The following CCDC18 variants were observed in gnomAD, a reference collection of about 807,000 sequenced individuals.
CCDC18 encodes coiled-coil domain containing 18, also known as coiled-coil domain-containing protein 18.
In CCDC18, 157 loss-of-function variants were observed where a neutral mutation model predicts 196.0. The ratio of observed to expected loss-of-function variants is 0.80; its 90% CI spans 0.70 to 0.91. The LOEUF is 0.91. Ranked by LOEUF, CCDC18 falls within the 40% of genes least tolerant of loss-of-function variation. CCDC18 has a pLI of 0.00. For synonymous variants in CCDC18, 482 were observed against 529.2 expected, an observed-to-expected ratio of 0.91 and a Z score of 1.22; for missense variants, 1,465 against 1,611.6, an observed-to-expected ratio of 0.91 and a Z score of 1.56.
intron 16 of CCDC18, among the ~76,000 whole-genome samples, chr1:93,223,029 A>G (rs1657696359): frequency 6.6e-6 from 1 of 152,184 alleles, no homozygotes; most frequent in African/African-American, 2.4e-5. Context: ...CATTTAATGC[A>G]ATGTCAGTTC....
chr1:93,268,612 G>A (rs1401828240), intron 27 of CCDC18, among the ~76,000 whole-genome samples: 1 of 151,518 alleles, frequency 6.6e-6, no homozygotes, highest in South Asian at 2.1e-4. Flanking sequence ...AAAAGTGGGA[G>A]AAGGATATGA....
At chr1:93,234,666 A>G (rs1032045549) in intron 18 of CCDC18, among the ~76,000 whole-genome samples, 2 of 83,788 alleles carry the variant, frequency 2.4e-5, no homozygotes, top group Non-Finnish European at 4.4e-5. Flanking sequence ...AGATTTCTCT[A>G]TTTAATTAAG....
chr1:93,213,140 A>G (rs1266697502), intron 11 of CCDC18, among the ~76,000 whole-genome samples: 2 of 152,072 alleles, frequency 1.3e-5, no homozygotes, highest in Non-Finnish European at 1.5e-5. Context: ...GTAACTACAG[A>G]TGAAGCTTTG....
Position 93,212,255 on chromosome 1 carries a change from C to T in CCDC18, c.1489C>T (p.Gln497Ter), listed in dbSNP as rs1321617204. 1 of 1,569,902 alleles carries T rather than the reference C, an allele frequency of 6.4e-7. No individual in the cohort carries two copies. The highest frequency in any genetic ancestry group is 2.3e-5 in the East Asian group (1 of 43,674). The change falls in exon 11 of 29, where the codon CAA becomes TAA. Residue 497 changes from glutamine (Q) to a stop codon, truncating the protein, a stop_gained. Coordinates refer to ENST00000690025, the MANE Select transcript of CCDC18 (RefSeq NM_001378204.1). LOFTEE classifies it high-confidence loss of function. ...AGAACCTGTAAAGCTAGGTGGTCATCAAGTAGGTAAGTATATTGAGTTATT... is the reference window on the plus strand; with the variant it reads ...AGAACCTGTAAAGCTAGGTGGTCATTAAGTAGGTAAGTATATTGAGTTATT... ...ETEPVKLGGH[Q>*]VAESVKDQNQ... is the part of the protein sequence containing the mutation.
intron 7 of CCDC18, among the ~76,000 whole-genome samples, chr1:93,203,339 G>A (rs757998078): frequency 2.0e-5 from 3 of 152,276 alleles, no homozygotes; most frequent in Non-Finnish European, 4.4e-5. Flanking sequence ...TTTTGGAAAT[G>A]TCTGTAGAAT....
chr1:93,251,751 G>A (rs556237962), intron 23 of CCDC18, among the ~76,000 whole-genome samples: 1 of 152,018 alleles, frequency 6.6e-6, no homozygotes, highest in Non-Finnish European at 1.5e-5. Flanking sequence ...ATGTCTTAGG[G>A]TGTTATTATT....
Position 93,232,433 on chromosome 1 carries a change from G to A in CCDC18, c.2300G>A (p.Cys767Tyr), listed in dbSNP as rs1176599553. ...TATATATATATTTGCCAGGTATATT[G>A]TTTACAGAAAGAGCTAAAGATAAAA... Reference protein sequence around the residue: ...QLKKKSEEVYCLQKELKIKNH... With the variant: ...QLKKKSEEVYYLQKELKIKNH... Residue 767 changes from cysteine (C) to tyrosine (Y), a missense_variant, in exon 18 of 29, where the codon TGT becomes TAT. Coordinates refer to ENST00000690025, the MANE Select transcript of CCDC18 (RefSeq NM_001378204.1). The A allele has an allele frequency of 3.2e-6, 5 of 1,584,702 alleles. No homozygotes were observed. In the Admixed American group the frequency reaches 7.0e-5, roughly 22 times the overall value.
chr1:93,181,184 C>T (rs1313672339), intron 1 of CCDC18, among the ~76,000 whole-genome samples: 3 of 40,840 alleles, frequency 7.3e-5, no homozygotes, highest in Non-Finnish European at 1.5e-4. Flanking sequence ...AAAGAGGAAA[C>T]TGTCACTTCC....
chr1:93,236,474 G>A, intron 19 of CCDC18, 84 bp downstream of exon 19: 3 of 1,309,260 alleles, frequency 2.3e-6, no homozygotes, highest in Non-Finnish European at 3.1e-6. Flanking sequence ...GTTCAGTGGA[G>A]CATTTGCTTG....
At chr1:93,233,096 G>A (rs979858587) in intron 18 of CCDC18, among the ~76,000 whole-genome samples, 47 of 152,070 alleles carry the variant, frequency 3.1e-4, no homozygotes, top group African/African-American at 1.1e-3. Context: ...ATGATTATAT[G>A]TTTGCTGTTC....
intron 28 of CCDC18, chr1:93,271,408 A>T (rs1665247227): frequency 2.0e-6 from 2 of 985,186 alleles, no homozygotes; most frequent in Non-Finnish European, 2.4e-6. Flanking sequence ...TCTTTTTTAG[A>T]GAGAAATTCT....
chr1:93,249,328 TTTTA>T (rs1313833366), intron 23 of CCDC18, among the ~76,000 whole-genome samples: 3 of 152,196 alleles, frequency 2.0e-5, no homozygotes, highest in Admixed American at 6.5e-5. Flanking sequence ...TTTCATCTCA[TTTTA>T]TTTATTTGGA....
chr1:93,224,344 T>C (rs531088591), intron 16 of CCDC18, among the ~76,000 whole-genome samples: 3 of 152,314 alleles, frequency 2.0e-5, no homozygotes, highest in South Asian at 4.1e-4. Flanking sequence ...ACAGAGAATT[T>C]CTTCTGTATG....
chr1:93,193,535 T>G, intron 5 of CCDC18, 81 bp from the exon 6 acceptor site: 1 of 908,370 alleles, frequency 1.1e-6, no homozygotes. Flanking sequence ...TAAACAAATA[T>G]AATTCCTAAT....
At chr1:93,222,092 C>G (rs1657525032) in intron 16 of CCDC18, among the ~76,000 whole-genome samples, 156 bp downstream of exon 16, 1 of 151,804 alleles carries the variant, frequency 6.6e-6, no homozygotes, top group Non-Finnish European at 1.5e-5. Flanking sequence ...ACATGAGCCT[C>G]CTGAGCAGCT....
chr1:93,264,852 A>T lies in CCDC18; in HGVS notation c.3836A>T (p.Gln1279Leu). 1.9e-6 allele frequency: 3 copies of T among 1,613,680 alleles called. No individual in the cohort carries two copies. The East Asian group carries it at 6.7e-5, about 36-fold the overall frequency. Reference protein sequence around the residue: ...DTVSNLHQQVQDRNEVIEAAN... With the variant: ...DTVSNLHQQVLDRNEVIEAAN... Reference sequence around the variant, plus strand: ...GTAAGCAATTTGCATCAACAAGTCCAAGATAGGAATGAAGTAATTGAAGCT... The same window carrying T: ...GTAAGCAATTTGCATCAACAAGTCCTAGATAGGAATGAAGTAATTGAAGCT... Residue 1279 changes from glutamine (Q) to leucine (L), a missense_variant, in exon 27 of 29, where the codon CAA becomes CTA. Gln to Leu is a moderately radical substitution (Grantham distance 113). Transcript: ENST00000690025.
At chr1:93,252,742 C>T (rs572734204) in intron 23 of CCDC18, among the ~76,000 whole-genome samples, 1 of 152,318 alleles carries the variant, frequency 6.6e-6, no homozygotes, top group East Asian at 1.9e-4. Context: ...TGCAGTCTGG[C>T]TTAGTTTGTG....
Position 93,217,860 on chromosome 1 carries a change from G to C in CCDC18, c.1953G>C (p.Gln651His), listed in dbSNP as rs778399583. 6.2e-6 allele frequency: 10 copies of C among 1,609,378 alleles called. No homozygotes were observed. In the East Asian group the frequency reaches 8.9e-5, roughly 14 times the overall value. The change falls in exon 14 of 29, where the codon CAG (glutamine) becomes CAC (histidine). Residue 651 changes from glutamine (Q) to histidine (H), a missense_variant. Transcript: ENST00000690025. ...AACAGCATAAAGAAATGGAAAAGCA[G>C]ATTGAAAGAGTAAGTAATACATATT... ...HLEQHKEMEK[Q>H]IERLEAQLEK...
In CCDC18 at chr1:93,210,040, G is replaced by C. The variant is rs1388682531; in HGVS notation, c.1210-762G>C. Reference sequence around the variant, plus strand: ...ATCATAAGCTCCAGTCTGGGTGACAGAGTGAGACCCTGTCTCTCAAAAAAG... The same window carrying C: ...ATCATAAGCTCCAGTCTGGGTGACACAGTGAGACCCTGTCTCTCAAAAAAG... On this transcript the variant is annotated intron_variant, in intron 9 of 28. Transcript: ENST00000690025. Among the ~76,000 whole-genome samples the C allele has an allele frequency of 2.6e-5, 4 of 152,130 alleles. No homozygotes were observed. The East Asian group carries it at 7.7e-4, about 29-fold the overall frequency.
Sources: allele counts gnomAD v4.1 joint callset (sites outside exome capture counted in the v4.1 genomes callset), GRCh38; gene constraint gnomAD v4.1.1; transcripts MANE v1.5; gene names NCBI Gene and HGNC (gene_info 2026-07-23, HGNC 2026-07-21).